SARDH: variants seen among roughly 807,000 people sequenced by gnomAD.
The protein encoded by SARDH is sarcosine dehydrogenase.
In SARDH, 95 loss-of-function variants were observed where a neutral mutation model predicts 109.1. That is an observed-to-expected ratio of 0.87 (90% CI 0.74 to 1.03). The LOEUF is 1.03. Among genes scored for constraint, SARDH ranks in the 50% least tolerant of loss-of-function variants. The pLI, the probability that SARDH is intolerant of heterozygous loss-of-function variation, is 0.00. For synonymous variants in SARDH, 572 were observed against 534.8 expected (o/e 1.07, Z -0.96); for missense variants, 1,267 against 1,287.8 (o/e 0.98, Z 0.25).
Position 133,720,937 on chromosome 9 carries a change from C to T in SARDH, c.916-1895G>A, listed in dbSNP as rs147732422. 8.9e-3 allele frequency among the ~76,000 whole-genome samples: 1,350 copies of T among 152,172 alleles called. 18 individuals carry two copies. Among genetic ancestry groups the T allele is most frequent in the African/African-American group, 0.03 (1,259 of 41,510 alleles). ...CAAAATTTAAAATTCAATGGAAGGGCCAGATAAGGCTGGGGCCATCATCCA... is the reference window on the plus strand; with the variant it reads ...CAAAATTTAAAATTCAATGGAAGGGTCAGATAAGGCTGGGGCCATCATCCA... On this transcript the variant is annotated intron_variant, in intron 6 of 20. Transcript: ENST00000439388.
At chr9:133,734,931 C>T (rs906346137) in intron 1 of SARDH, among the ~76,000 whole-genome samples, 1 of 152,030 alleles carries the variant, frequency 6.6e-6, no homozygotes, top group African/African-American at 2.4e-5. Flanking sequence ...CCAGGTCCTG[C>T]GGGGTGGGGA....
chr9:133,673,653 A>G (rs1830424546), intron 17 of SARDH, among the ~76,000 whole-genome samples: 1 of 152,218 alleles, frequency 6.6e-6, no homozygotes. Flanking sequence ...CACAGAAAAT[A>G]TACTGTTGAC....
downstream of SARDH, among the ~76,000 whole-genome samples, chr9:133,661,232 T>C (rs1832408455): frequency 6.6e-6 from 1 of 151,850 alleles, no homozygotes; most frequent in Non-Finnish European, 1.5e-5. Flanking sequence ...TCCTAGCTAT[T>C]TGGGAGGCTG....
At position 133,686,764 on chromosome 9, in the gene SARDH, C is replaced by A. The variant is rs1344623994; in HGVS notation, c.2070-1478G>T. 6.6e-6 allele frequency among the ~76,000 whole-genome samples: 1 copy of A among 152,212 alleles called. No homozygotes were observed. Among genetic ancestry groups the A allele is most frequent in the Non-Finnish European group, 1.5e-5 (1 of 68,042 alleles). On this transcript the variant is annotated intron_variant, in intron 16 of 20. Coordinates refer to ENST00000439388, the MANE Select transcript of SARDH (RefSeq NM_001134707.2). This position sits in a 1 kb window ranked among gnomAD's most constrained non-coding sequence, Gnocchi z 4.0. ...CTGCTGACCCTAATCCCAATCGTCA[C>A]AGTGCTGGGAGCCGCCACCCACGTC... is the stretch of plus-strand genomic sequence containing the variant.
chr9:133,734,290 T>G, intron 1 of SARDH, 87 bp from the exon 2 acceptor site: 1 of 870,832 alleles, frequency 1.1e-6, no homozygotes, highest in Non-Finnish European at 1.6e-6. Flanking sequence ...GGCCCTATGG[T>G]GTTACCTCCC....
intron 16 of SARDH, 106 bp from the exon 17 acceptor site, chr9:133,685,392 T>G (rs1187064270): frequency 2.7e-6 from 2 of 735,974 alleles, no homozygotes; most frequent in Non-Finnish European, 4.5e-6. Flanking sequence ...CCTGTCCTCA[T>G]GAGACAGATG....
chr9:133,736,725 G>T (rs751472199), intron 1 of SARDH, among the ~76,000 whole-genome samples: 2 of 152,166 alleles, frequency 1.3e-5, no homozygotes, highest in African/African-American at 4.8e-5. Context: ...AGTTAAGAAC[G>T]GAGGTCTCAC....
chr9:133,667,561 A>C (rs1830119103), intron 19 of SARDH, among the ~76,000 whole-genome samples: 1 of 152,096 alleles, frequency 6.6e-6, no homozygotes, highest in Admixed American at 6.5e-5. Flanking sequence ...TAAAGATTAA[A>C]AGCAGGAAGA....
intron 17 of SARDH, among the ~76,000 whole-genome samples, chr9:133,684,866 G>A (rs919877744): frequency 1.3e-5 from 2 of 152,228 alleles, no homozygotes; most frequent in African/African-American, 4.8e-5. Flanking sequence ...CGGGAGGGCT[G>A]CCCCGCGCCT....
Position 133,718,920 on chromosome 9 carries a change from AG to A in SARDH, c.1020+17del, listed in dbSNP as rs375745522. On this transcript the variant is annotated intron_variant, in intron 7 of 20. Transcript: ENST00000439388. The surrounding 1 kb of genome is among the most constrained non-coding windows in gnomAD (Gnocchi z 4.2). ...AGCCCCAACTCCCTCCCATTATCCCAGGGCCCTGGCATCTTACCTCCTCCCA... is the reference window on the plus strand; with the variant it reads ...AGCCCCAACTCCCTCCCATTATCCCAGGCCCTGGCATCTTACCTCCTCCCA... The A allele has an allele frequency of 5.3e-4, 833 of 1,580,590 alleles. 6 individuals carry two copies. In the African/African-American group the frequency reaches 9.8e-3, roughly 19 times the overall value.
At position 133,729,634 on chromosome 9, in the gene SARDH, G is replaced by A. The variant is rs1832604518; in HGVS notation, c.915+131C>T. On this transcript the variant is annotated intron_variant, in intron 6 of 20. Coordinates refer to ENST00000439388, the MANE Select transcript of SARDH (RefSeq NM_001134707.2). Reference sequence around the variant, plus strand: ...CCCATGTTACAATCCCCATTTCACAGATGAGGTGACTGAGGCTTGGGGCAG... The same window carrying A: ...CCCATGTTACAATCCCCATTTCACAAATGAGGTGACTGAGGCTTGGGGCAG... 3.7e-5 allele frequency: 26 copies of A among 697,980 alleles called. No homozygotes were observed. The South Asian group carries it at 4.4e-4, about 12-fold the overall frequency. 43.2% of individuals were successfully genotyped at this position (697,980 alleles called of 1,614,324 possible).
Position 133,666,297 on chromosome 9 carries a change from G to C in SARDH, c.2631+438C>G, listed in dbSNP as rs930118488. 5.9e-5 allele frequency among the ~76,000 whole-genome samples: 9 copies of C among 152,286 alleles called. No individual in the cohort carries two copies. Among genetic ancestry groups the C allele is most frequent in the African/African-American group, 2.2e-4 (9 of 41,558 alleles). On this transcript the variant is annotated intron_variant, in intron 20 of 20. Coordinates refer to ENST00000439388, the MANE Select transcript of SARDH (RefSeq NM_001134707.2). This position sits in a 1 kb window ranked among gnomAD's most constrained non-coding sequence, Gnocchi z 5.2. ...GCAAAGGGTGGGCTGTGGGTGGCCT[G>C]AGGTTTGGGTCTCTGGTGTGAGGAG...
Position 133,682,371 on chromosome 9 carries a change from G to A in SARDH, c.2163+2822C>T, listed in dbSNP as rs141741255. On this transcript the variant is annotated intron_variant, in intron 17 of 20. Transcript: ENST00000439388. ...AAATCCACAGATAGTCACAGATGAC[G>A]GAAAGAAGATGGCGGGCAACACACT... Among the ~76,000 whole-genome samples, 9 of 152,318 alleles carry A rather than the reference G, an allele frequency of 5.9e-5. No homozygotes were observed. In the East Asian group the frequency reaches 7.7e-4, roughly 13 times the overall value.
At chr9:133,727,064 G>T (rs1175241824) in intron 6 of SARDH, among the ~76,000 whole-genome samples, 1 of 152,168 alleles carries the variant, frequency 6.6e-6, no homozygotes, top group Admixed American at 6.5e-5. Flanking sequence ...CTCTGCCCAC[G>T]GATGGAGCAG....
intron 13 of SARDH, among the ~76,000 whole-genome samples, chr9:133,701,828 G>T (rs1831498496): frequency 6.6e-6 from 1 of 152,234 alleles, no homozygotes; most frequent in African/African-American, 2.4e-5. Flanking sequence ...TGGTGGAAAT[G>T]AACGGTTTAT....
At chr9:133,684,582 G>A (rs750380580) in intron 17 of SARDH, among the ~76,000 whole-genome samples, 1 of 152,198 alleles carries the variant, frequency 6.6e-6, no homozygotes, top group Admixed American at 6.5e-5. Flanking sequence ...GGTCTCTGAG[G>A]GAGCCTCCTG....
intron 12 of SARDH, 65 bp from the exon 13 acceptor site, chr9:133,703,094 C>T: frequency 4.9e-6 from 7 of 1,419,944 alleles, no homozygotes; most frequent in Middle Eastern, 3.8e-4. Flanking sequence ...CTCCCCAGAG[C>T]GGGGTCCCGC....
chr9:133,699,801 G>C (rs1232701186), intron 13 of SARDH, among the ~76,000 whole-genome samples: 2 of 152,122 alleles, frequency 1.3e-5, no homozygotes, highest in Non-Finnish European at 2.9e-5. Flanking sequence ...AGTTACTTTG[G>C]AGAACAGTTG....
chr9:133,702,570 TGCCAGCCTCGGC>T (rs1430615502), intron 13 of SARDH, among the ~76,000 whole-genome samples: 1 of 152,190 alleles, frequency 6.6e-6, no homozygotes, highest in Non-Finnish European at 1.5e-5. Flanking sequence ...CCACGTCTCA[TGCCAGCCTCGGC>T]GCAGCTCCGG....
Sources: allele counts gnomAD v4.1 joint callset (sites outside exome capture counted in the v4.1 genomes callset), GRCh38; gene constraint gnomAD v4.1.1; non-coding constraint Gnocchi (gnomAD v3.1); transcripts MANE v1.5; gene names NCBI Gene and HGNC (gene_info 2026-07-23, HGNC 2026-07-21).